The following B4GALNT3 variants were observed in gnomAD, a reference collection of about 807,000 sequenced individuals.
B4GALNT3 encodes beta-1,4-N-acetylgalactosaminyltransferase 3.
Under a neutral mutation model 120.2 loss-of-function variants are expected in B4GALNT3, and 86 were observed. The observed-to-expected ratio is 0.72, with a 90% CI of 0.60 to 0.86. The LOEUF (loss-of-function observed/expected upper bound fraction) is 0.86. Ranked by LOEUF, B4GALNT3 falls within the 40% of genes least tolerant of loss-of-function variation. B4GALNT3 has a pLI of 0.00. For missense variants in B4GALNT3, 1,167 were observed against 1,298.9 expected, an observed-to-expected ratio of 0.90 and a Z score of 1.56; for synonymous variants, 518 against 510.4, an observed-to-expected ratio of 1.01 and a Z score of -0.20.
At chr12:527,085 G>T (rs1946764952) in intron 1 of B4GALNT3, among the ~76,000 whole-genome samples, 2 of 151,846 alleles carry the variant, frequency 1.3e-5, no homozygotes, top group African/African-American at 4.8e-5. Context: ...CTAGTTTTTT[G>T]TTTTGTTTTG....
chr12:509,062 C>T (rs960889344), intron 1 of B4GALNT3, among the ~76,000 whole-genome samples: 3 of 152,210 alleles, frequency 2.0e-5, no homozygotes, highest in Admixed American at 6.5e-5. Context: ...CTAAGACAGA[C>T]ACACTCAGAC....
chr12:539,275 C>T, intron 3 of B4GALNT3, among the ~76,000 whole-genome samples: 1 of 152,204 alleles, frequency 6.6e-6, no homozygotes, highest in East Asian at 1.9e-4. Flanking sequence ...ACAAGACGCT[C>T]ATTAACAAAC....
rs1034530147 is a variant in B4GALNT3, at chr12:536,175, A to T, written c.274-43A>T. 7 of 1,552,306 alleles carry T rather than the reference A, an allele frequency of 4.5e-6. No homozygotes were observed. The East Asian group carries it at 1.6e-4, about 35-fold the overall frequency. ...CCTCCTGTCCTGCCCGTAGCTTCTC[A>T]TCCTAATATTCCTACCAACTTCGTT... On this transcript the variant is annotated intron_variant, in intron 2 of 19. Transcript: ENST00000266383.
intron 1 of B4GALNT3, among the ~76,000 whole-genome samples, chr12:485,753 C>A (rs540631913): frequency 1.3e-5 from 2 of 152,216 alleles, no homozygotes; most frequent in South Asian, 2.1e-4. Context: ...GATTTTTAAA[C>A]CTAGTCAACT....
rs1946807953 is a variant in B4GALNT3, at chr12:531,498, T to A, written c.170-3668T>A. ...ACCCCATCTCTAAAATTTTTTTTTT[T>A]AATTAACCAACTATGGTGGCATGCA... On this transcript the variant is annotated intron_variant, in intron 1 of 19. Coordinates refer to ENST00000266383, the MANE Select transcript of B4GALNT3 (RefSeq NM_173593.4). 2.6e-5 allele frequency among the ~76,000 whole-genome samples: 4 copies of A among 152,014 alleles called. No homozygotes were observed. The South Asian group carries it at 6.2e-4, about 24-fold the overall frequency.
chr12:553,619 G>T lies in B4GALNT3; in HGVS notation c.1696G>T (p.Glu566Ter). 6.2e-7 allele frequency: 1 copy of T among 1,614,018 alleles called. No individual in the cohort carries two copies. Residue 566 changes from glutamate to a stop codon, truncating the protein, a stop_gained, in exon 14 of 20, where the codon GAG (glutamate) becomes TAG (stop). Coordinates refer to ENST00000266383, the MANE Select transcript of B4GALNT3 (RefSeq NM_173593.4). LOFTEE classifies it high-confidence loss of function. Reference protein sequence around the residue: ...PRKTQWLNQVESYIAEQRRGD... With the variant: ...PRKTQWLNQV ...GAAGACTCAGTGGCTGAACCAGGTG[G>T]AGTCGTACATCGCAGAGCAGAGACG...
Position 563,500 on chromosome 12 carries a change from A to G in B4GALNT3, c.*2049A>G, listed in dbSNP as rs1053967271. 6.7e-5 allele frequency: 6 copies of G among 89,064 alleles called. No individual in the cohort carries two copies. The highest frequency in any genetic ancestry group is 1.3e-4 in the Non-Finnish European group (4 of 31,434). 5.5% of individuals were successfully genotyped at this position (89,064 alleles called of 1,614,324 possible). On this transcript the variant is annotated 3_prime_UTR_variant, in exon 20 of 20. Transcript: ENST00000266383. Reference sequence around the variant, plus strand: ...GCATTAAATACAGCAACTTCTTAGAAAAAAAAAAAGGTGCTTGTCTTTTCC... The same window carrying G: ...GCATTAAATACAGCAACTTCTTAGAGAAAAAAAAAGGTGCTTGTCTTTTCC...
At chr12:536,068 T>G in intron 2 of B4GALNT3, 150 bp from the exon 3 acceptor site, 2 of 633,944 alleles carry the variant, frequency 3.2e-6, no homozygotes, top group Non-Finnish European at 5.7e-6. Context: ...GATGAAACTA[T>G]GGAGATGTAT....
At chr12:533,736 GA>G (rs1318923702) in intron 1 of B4GALNT3, among the ~76,000 whole-genome samples, 1 of 152,200 alleles carries the variant, frequency 6.6e-6, no homozygotes, top group East Asian at 1.9e-4. Context: ...AGGTTCAGAT[GA>G]AATCACGCCT....
At chr12:461,033 C>A (rs1592004439) in intron 1 of B4GALNT3, among the ~76,000 whole-genome samples, 2 of 152,138 alleles carry the variant, frequency 1.3e-5, no homozygotes, top group South Asian at 4.1e-4. Context: ...TGGCTCACTC[C>A]GTTTCCTCTC....
intron 1 of B4GALNT3, among the ~76,000 whole-genome samples, chr12:477,802 T>C (rs761901158): frequency 6.6e-5 from 10 of 152,184 alleles, no homozygotes; most frequent in Non-Finnish European, 1.0e-4. Context: ...TGTAGAAATA[T>C]ACAAGTTGAT....
intron 1 of B4GALNT3, among the ~76,000 whole-genome samples, chr12:524,034 C>A (rs947766605): frequency 2.6e-5 from 4 of 152,126 alleles, no homozygotes; most frequent in Non-Finnish European, 5.9e-5. Context: ...GCACTCTAGC[C>A]CAGGCGACGG....
chr12:546,204 G>A (rs1947004951), intron 6 of B4GALNT3, among the ~76,000 whole-genome samples: 1 of 89,160 alleles, frequency 1.1e-5, no homozygotes, highest in South Asian at 4.6e-4. Context: ...GGGGGTGTGA[G>A]AGGAGGGAGG....
chr12:473,593 C>T (rs1031117667), intron 1 of B4GALNT3, among the ~76,000 whole-genome samples: 7 of 152,094 alleles, frequency 4.6e-5, no homozygotes, highest in African/African-American at 1.7e-4. Flanking sequence ...GAAATGGTCT[C>T]CTGAGAAAAA....
At position 501,546 on chromosome 12, in the gene B4GALNT3, A is replaced by G. The variant is rs1946445284; in HGVS notation, c.170-33620A>G. Among the ~76,000 whole-genome samples the G allele has an allele frequency of 2.0e-5, 3 of 152,088 alleles. No homozygotes were observed. The South Asian group carries it at 6.2e-4, about 32-fold the overall frequency. ...CAGTGAACTATGTTTGCACCACTGC[A>G]CTCCAGCCTGGGCAATAGAGTGAGA... On this transcript the variant is annotated intron_variant, in intron 1 of 19. Coordinates refer to ENST00000266383, the MANE Select transcript of B4GALNT3 (RefSeq NM_173593.4).
intron 1 of B4GALNT3, among the ~76,000 whole-genome samples, chr12:496,854 G>C (rs1946393891): frequency 6.6e-6 from 1 of 152,174 alleles, no homozygotes; most frequent in Non-Finnish European, 1.5e-5. Flanking sequence ...ATTCATCCAT[G>C]TGTAGCATGT....
At chr12:462,000 A>G (rs528910875) in intron 1 of B4GALNT3, among the ~76,000 whole-genome samples, 13 of 152,300 alleles carry the variant, frequency 8.5e-5, no homozygotes, top group African/African-American at 2.4e-4. Flanking sequence ...AGCTCAGCAC[A>G]TCACCAGGAA....
chr12:533,258 AG>A (rs1364914778), intron 1 of B4GALNT3, among the ~76,000 whole-genome samples: 2 of 152,164 alleles, frequency 1.3e-5, no homozygotes, highest in Admixed American at 1.3e-4. Flanking sequence ...CCAGAAATGG[AG>A]GGTATAGTCT....
intron 1 of B4GALNT3, among the ~76,000 whole-genome samples, chr12:521,477 G>A (rs982892330): frequency 1.3e-5 from 2 of 152,104 alleles, no homozygotes; most frequent in African/African-American, 4.8e-5. Context: ...GCTACTCTGT[G>A]GTCTTTCCCA....
Sources: gnomAD v4.1 joint callset for allele counts (sites outside exome capture counted in the v4.1 genomes callset) on GRCh38, gnomAD v4.1.1 for gene constraint, MANE v1.5 for transcripts, NCBI Gene and HGNC (gene_info 2026-07-23, HGNC 2026-07-21) for gene names.